COL27A1: variants seen among roughly 807,000 people sequenced by gnomAD.
The protein encoded by COL27A1 is collagen type XXVII alpha 1 chain.
In COL27A1, 106 loss-of-function variants were observed where a neutral mutation model predicts 251.3. The observed-to-expected ratio is 0.42, with a 90% confidence interval of 0.36 to 0.50. The LOEUF (loss-of-function observed/expected upper bound fraction) is 0.50. Among genes scored for constraint, COL27A1 ranks in the 20% least tolerant of loss-of-function variants. The pLI, the probability that COL27A1 is intolerant of heterozygous loss-of-function variation, is 0.00. For missense variants in COL27A1, 2,325 were observed against 2,522.8 expected, an observed-to-expected ratio of 0.92 and a Z score of 1.68; for synonymous variants, 1,000 against 986.3, an observed-to-expected ratio of 1.01 and a Z score of -0.26.
At chr9:114,154,112 C>T (rs955796019), upstream of COL27A1, among the ~76,000 whole-genome samples, 2 of 152,114 alleles carry the variant, frequency 1.3e-5, no homozygotes, top group Admixed American at 6.5e-5. This position sits in a 1 kb window ranked among gnomAD's most constrained non-coding sequence, Gnocchi z 5.8. Flanking sequence ...CTATGAGCCG[C>T]CCCCAGCTCT....
chr9:114,269,033 C>G, intron 34 of COL27A1: 1 of 520,574 alleles, frequency 1.9e-6, no homozygotes, highest in East Asian at 3.1e-5. Flanking sequence ...CCTGTCCTGG[C>G]GTGGGAGAAG....
At chr9:114,304,747 T>G in intron 57 of COL27A1, 74 bp downstream of exon 57, 3 of 1,319,912 alleles carry the variant, frequency 2.3e-6, no homozygotes, top group Non-Finnish European at 3.3e-6. Context: ...CCACATGTGG[T>G]CAGTGCCTTC....
intron 14 of COL27A1, among the ~76,000 whole-genome samples, chr9:114,227,078 G>A (rs1293321157): frequency 3.3e-5 from 5 of 152,168 alleles, no homozygotes; most frequent in African/African-American, 9.7e-5. Context: ...AGCCAGGGTC[G>A]GGGAGATATG....
chr9:114,227,663 G>A (rs1831581738), intron 14 of COL27A1, among the ~76,000 whole-genome samples: 3 of 152,086 alleles, frequency 2.0e-5, no homozygotes, highest in Non-Finnish European at 4.4e-5. Context: ...CACAGTGGGC[G>A]TTCTTTAAAT....
intron 2 of COL27A1, among the ~76,000 whole-genome samples, chr9:114,163,700 C>T (rs1418607636): frequency 6.6e-6 from 1 of 152,220 alleles, no homozygotes; most frequent in Non-Finnish European, 1.5e-5. Flanking sequence ...GACCTGGCCA[C>T]TCGGCAGGGA....
At chr9:114,222,661 C>T (rs554219141) in intron 14 of COL27A1, among the ~76,000 whole-genome samples, 3 of 152,222 alleles carry the variant, frequency 2.0e-5, no homozygotes, top group East Asian at 1.9e-4. Context: ...ATTTCACAAG[C>T]GAGGTGTTCC....
intron 28 of COL27A1, among the ~76,000 whole-genome samples, chr9:114,260,514 G>T (rs923604): frequency 0.65 from 98,628 of 152,064 alleles, 32,303 homozygotes; most frequent in Admixed American, 0.72. Flanking sequence ...GCCTTGTGGC[G>T]CTCTGTGCCT....
At chr9:114,189,241 G>A (rs753683289) in intron 5 of COL27A1, among the ~76,000 whole-genome samples, 26 of 152,102 alleles carry the variant, frequency 1.7e-4, no homozygotes, top group Non-Finnish European at 3.4e-4. Flanking sequence ...TGTTAATGGG[G>A]GTGATGGAAA....
intron 7 of COL27A1, among the ~76,000 whole-genome samples, chr9:114,199,353 A>G (rs1482783352): frequency 6.6e-6 from 1 of 152,064 alleles, no homozygotes; most frequent in African/African-American, 2.4e-5. Flanking sequence ...CACATACAAG[A>G]TGTGTTCAGC....
rs1382278958 is a variant in COL27A1, at chr9:114,311,130, G to T, written c.*435G>T. On this transcript the variant is annotated 3_prime_UTR_variant, in exon 61 of 61. Transcript: ENST00000356083. The stretch of plus-strand genomic sequence containing the variant: ...GACATGAAAAAAGGAGAAAAGGAAA[G>T]ACAGAAGTGTATATATATATTATTT... The T allele has an allele frequency of 6.2e-6, 1 of 160,764 alleles. No individual in the cohort carries two copies. The highest frequency in any genetic ancestry group is 1.4e-5 in the Non-Finnish European group (1 of 72,944). The allele number at this position is 160,764 out of a possible 1,614,324, so 10.0% of individuals were successfully genotyped here. A position where few individuals can be genotyped will look rare whatever the true frequency, so the allele number is the denominator to read the frequency against.
At chr9:114,208,473 T>C (rs573661914) in intron 10 of COL27A1, among the ~76,000 whole-genome samples, 1 of 151,826 alleles carries the variant, frequency 6.6e-6, no homozygotes, top group East Asian at 1.9e-4. Flanking sequence ...AATAAAAAAA[T>C]AATAAAATAT....
At chr9:114,216,530 T>C (rs1830723503) in intron 12 of COL27A1, among the ~76,000 whole-genome samples, 1 of 152,172 alleles carries the variant, frequency 6.6e-6, no homozygotes, top group Non-Finnish European at 1.5e-5. Context: ...AGCGGAGGGA[T>C]GAGGCAAGGT....
In COL27A1 at chr9:114,169,326, G is replaced by C. The variant is rs540526729; in HGVS notation, c.1771G>C (p.Val591Leu). 3.7e-6 allele frequency: 6 copies of C among 1,612,582 alleles called. No homozygotes were observed. The highest frequency in any genetic ancestry group is 2.2e-5 in the East Asian group (1 of 44,866). Reference protein sequence around the residue: ...QPSQQTTPALVLAPAQFLSSS... With the variant: ...QPSQQTTPALLLAPAQFLSSS... ...CAGTCAGCAGACCACCCCGGCCCTGGTATTGGCCCCGGCGCAATTCCTGTC... is the reference window on the plus strand; with the variant it reads ...CAGTCAGCAGACCACCCCGGCCCTGCTATTGGCCCCGGCGCAATTCCTGTC... The change falls in exon 3 of 61, where the codon GTA (valine) becomes CTA (leucine). Residue 591 changes from valine (V) to leucine (L), a missense_variant. Around this residue, in one of 4 missense-constraint regions of COL27A1, gnomAD observed 1,183 missense variants for 1,144.1 expected, o/e 1.03. Coordinates refer to ENST00000356083, the MANE Select transcript of COL27A1 (RefSeq NM_032888.4).
intron 18 of COL27A1, 48 bp downstream of exon 18, chr9:114,237,082 G>A (rs751518810): frequency 1.3e-6 from 2 of 1,522,044 alleles, no homozygotes; most frequent in Admixed American, 2.1e-5. Flanking sequence ...CTCTCCAACT[G>A]ATCGTGTAAT....
rs2135594025 is a variant in COL27A1, at chr9:114,264,914, C to T, written c.3250-10C>T. On this transcript the variant is annotated splice_polypyrimidine_tract_variant and intron_variant, in intron 29 of 60. Coordinates refer to ENST00000356083, the MANE Select transcript of COL27A1 (RefSeq NM_032888.4). Reference sequence around the variant, plus strand: ...CCCTCTCCCACCTTCACGTGCTCTGCTTCCCACAGGGCCCTCCAGGACCCC... The same window carrying T: ...CCCTCTCCCACCTTCACGTGCTCTGTTTCCCACAGGGCCCTCCAGGACCCC... 2 of 1,610,888 alleles carry T rather than the reference C, an allele frequency of 1.2e-6. No homozygotes were observed. The highest frequency in any genetic ancestry group is 2.2e-5 in the East Asian group (1 of 44,796).
chr9:114,310,961 C>A lies in COL27A1; in HGVS notation c.*266C>A. On this transcript the variant is annotated 3_prime_UTR_variant, in exon 61 of 61. Coordinates refer to ENST00000356083, the MANE Select transcript of COL27A1 (RefSeq NM_032888.4). The stretch of plus-strand genomic sequence containing the variant: ...CTGGACCTGCAACCTGCCTGAGCCC[C>A]GTGGCCTCTCAGCTCTGCGGCCACC... 2.6e-6 allele frequency: 1 copy of A among 385,062 alleles called. No individual in the cohort carries two copies. Among genetic ancestry groups the A allele is most frequent in the Admixed American group, 4.0e-5 (1 of 24,818 alleles). The allele number at this position is 385,062 out of a possible 1,614,324, so 23.9% of individuals were successfully genotyped here. A position where few individuals can be genotyped will look rare whatever the true frequency, so the allele number is the denominator to read the frequency against.
chr9:114,207,270 T>G lies in COL27A1; in HGVS notation c.2268+974T>G, dbSNP rs541172489. ...CTCAGCCCTAATCCCTGCAGCTGAC[T>G]GGTGGCTGTTAGGAGAGTGTGGGGA... is the stretch of plus-strand genomic sequence containing the variant. On this transcript the variant is annotated intron_variant, in intron 10 of 60. Coordinates refer to ENST00000356083, the MANE Select transcript of COL27A1 (RefSeq NM_032888.4). Among the ~76,000 whole-genome samples the G allele has an allele frequency of 1.8e-4, 27 of 152,276 alleles. No individual in the cohort carries two copies. The South Asian group carries it at 3.9e-3, about 22-fold the overall frequency.
intron 28 of COL27A1, among the ~76,000 whole-genome samples, chr9:114,259,405 AT>A (rs34336480): frequency 2.6e-5 from 4 of 152,212 alleles, no homozygotes; most frequent in African/African-American, 9.6e-5. Context: ...ACATTAACTC[AT>A]TTAATCCTCA....
At chr9:114,178,043 G>A (rs1243415645) in intron 3 of COL27A1, among the ~76,000 whole-genome samples, 1 of 152,182 alleles carries the variant, frequency 6.6e-6, no homozygotes, top group Admixed American at 6.5e-5. Flanking sequence ...AGGTTTTCTG[G>A]AGAAGGTGAC....
Sources: gnomAD v4.1 joint callset for allele counts (sites outside exome capture counted in the v4.1 genomes callset) on GRCh38, gnomAD v4.1.1 for gene constraint, gnomAD v4.1.1 regional missense constraint, Gnocchi (gnomAD v3.1) non-coding constraint, MANE v1.5 for transcripts, NCBI Gene and HGNC (gene_info 2026-07-23, HGNC 2026-07-21) for gene names.